Variants in WNK2 observed in about 807,000 individuals in gnomAD.
WNK2 encodes WNK lysine deficient protein kinase 2.
In WNK2, 67 loss-of-function variants were observed where a neutral mutation model predicts 192.1. The observed-to-expected ratio is 0.35, with a 90% CI of 0.29 to 0.43. WNK2 has a LOEUF of 0.43. Among genes scored for constraint, WNK2 ranks in the 20% least tolerant of loss-of-function variants. WNK2 has a pLI of 1.00. For synonymous variants in WNK2, 1,439 were observed against 1,393.9 expected, an observed-to-expected ratio of 1.03 and a Z score of -0.72; for missense variants, 2,698 against 3,089.7, an observed-to-expected ratio of 0.87 and a Z score of 3.01.
At chr9:93,194,484 G>T (rs1830882979) in intron 2 of WNK2, among the ~76,000 whole-genome samples, 1 of 152,158 alleles carries the variant, frequency 6.6e-6, no homozygotes, top group South Asian at 2.1e-4. Context: ...AGTCATCAGG[G>T]AATTGCAAAT....
At chr9:93,243,516 G>A (rs536131507) in intron 7 of WNK2, among the ~76,000 whole-genome samples, 1 of 152,284 alleles carries the variant, frequency 6.6e-6, no homozygotes, top group African/African-American at 2.4e-5. Context: ...CATCACCCGT[G>A]AAATAGAGCA....
chr9:93,301,578 C>T (rs946935792), intron 26 of WNK2, among the ~76,000 whole-genome samples: 6 of 152,186 alleles, frequency 3.9e-5, no homozygotes, highest in South Asian at 2.1e-4. Context: ...GAGGAGTGGG[C>T]GCCTTCCCCC....
chr9:93,257,710 A>G lies in WNK2; in HGVS notation c.2382+571A>G, dbSNP rs557771376. On this transcript the variant is annotated intron_variant, in intron 11 of 29. Transcript: ENST00000427277. This position sits in a 1 kb window ranked among gnomAD's most constrained non-coding sequence, Gnocchi z 4.7. The stretch of plus-strand genomic sequence containing the variant: ...GGCCGTGTGGCATGTGGCTCCTCGG[A>G]GTTCCAAAGCCAGCCTGTGGCATTG... Among the ~76,000 whole-genome samples the G allele has an allele frequency of 1.1e-4, 16 of 152,280 alleles. No individual in the cohort carries two copies. The East Asian group carries it at 3.1e-3, about 29-fold the overall frequency.
chr9:93,282,493 A>C (rs1317833772), intron 19 of WNK2, among the ~76,000 whole-genome samples: 2 of 152,030 alleles, frequency 1.3e-5, no homozygotes, highest in Admixed American at 1.3e-4. Flanking sequence ...AAGACATAAG[A>C]TTATAAAAAG....
At chr9:93,205,576 T>C (rs535918007) in intron 2 of WNK2, among the ~76,000 whole-genome samples, 1 of 152,378 alleles carries the variant, frequency 6.6e-6, no homozygotes, top group South Asian at 2.1e-4. Context: ...CGCGGCCGGC[T>C]GTCTGGAGCC....
chr9:93,298,286 G>T (rs1293539239), intron 24 of WNK2, among the ~76,000 whole-genome samples: 1 of 152,230 alleles, frequency 6.6e-6, no homozygotes, highest in African/African-American at 2.4e-5. Flanking sequence ...CCCGTGAGTG[G>T]GCAGGGGCTG....
chr9:93,315,955 T>C (rs1315059337), intron 28 of WNK2: 2 of 152,190 alleles, frequency 1.3e-5, no homozygotes, highest in African/African-American at 4.8e-5. Flanking sequence ...TTAGATCCCA[T>C]GAGCCATCTC....
chr9:93,235,080 T>C, intron 5 of WNK2, 115 bp downstream of exon 5: 3 of 1,315,726 alleles, frequency 2.3e-6, no homozygotes, highest in South Asian at 1.5e-5. Flanking sequence ...GTAAGGAGCT[T>C]GGCCATTTTG....
chr9:93,268,700 T>G lies in WNK2; in HGVS notation c.3987T>G (p.Ser1329=). The change falls in exon 19 of 30, where the codon TCT becomes TCG. Residue 1329 remains serine, a synonymous_variant. Transcript: ENST00000427277. ...ACCCCGCCCCCGAGGCCCCTGAATC[T>G]TCGCCCCCACTTCCTCTAAGCTCCC... The part of the protein sequence containing the change: ...AEHPAPEAPE[S]SPPLPLSSLP... The G allele has an allele frequency of 1.9e-6, 3 of 1,613,376 alleles. No individual in the cohort carries two copies. Among genetic ancestry groups the G allele is most frequent in the Non-Finnish European group, 2.5e-6 (3 of 1,179,762 alleles).
chr9:93,275,303 G>C (rs899545477), intron 19 of WNK2, among the ~76,000 whole-genome samples: 3 of 152,134 alleles, frequency 2.0e-5, no homozygotes. Context: ...GATCACTTGA[G>C]GCCAGGAGTT....
Position 93,259,303 on chromosome 9 carries a change from A to G in WNK2, c.2755A>G (p.Met919Val). 1 of 1,613,462 alleles carries G rather than the reference A, an allele frequency of 6.2e-7. No individual in the cohort carries two copies. The highest frequency in any genetic ancestry group is 8.5e-7 in the Non-Finnish European group (1 of 1,179,728). ...TGTGTACCCAGCGGCCTTCCCACAG[A>G]TGGCGCCTACTGACGTCCCTCCTTC... is the stretch of plus-strand genomic sequence containing the variant. ...QPVYPAAFPQ[M>V]APTDVPPSPH... Residue 919 changes from methionine (M) to valine (V), a missense_variant, in exon 12 of 30, where the codon ATG (methionine) becomes GTG (valine). Physicochemically the swap from Met to Val is conservative, Grantham distance 21 (BLOSUM62 1). Transcript: ENST00000427277. This position sits in a 1 kb window ranked among gnomAD's most constrained non-coding sequence, Gnocchi z 4.8.
intron 2 of WNK2, among the ~76,000 whole-genome samples, chr9:93,201,251 G>A (rs1832296479): frequency 6.6e-6 from 1 of 152,224 alleles, no homozygotes; most frequent in African/African-American, 2.4e-5. Context: ...GTCGCCATCT[G>A]TGGACACTGG....
At chr9:93,203,780 G>A (rs940324968) in intron 2 of WNK2, among the ~76,000 whole-genome samples, 7 of 152,158 alleles carry the variant, frequency 4.6e-5, no homozygotes, top group East Asian at 1.9e-4. Flanking sequence ...GAGGCATCTC[G>A]AACTGTGAGA....
chr9:93,318,520 A>G (rs1855125138), intron 29 of WNK2: 5 of 1,613,980 alleles, frequency 3.1e-6, no homozygotes, highest in Non-Finnish European at 4.2e-6. Context: ...ACGTTAGGTG[A>G]GCAGACATGC....
Position 93,247,417 on chromosome 9 carries a change from A to G in WNK2, c.1543-126A>G. 2 of 1,136,458 alleles carry G rather than the reference A, an allele frequency of 1.8e-6. No homozygotes were observed. The highest frequency in any genetic ancestry group is 2.6e-5 in the East Asian group (1 of 38,444). The allele number at this position is 1,136,458 out of a possible 1,614,324, so 70.4% of individuals were successfully genotyped here. ...AGCTGTCCCCGCGGATTTTACATTC[A>G]GTGGCAGTGGGATGGCGAGCGTGTC... On this transcript the variant is annotated intron_variant, in intron 7 of 29. Transcript: ENST00000427277. This position sits in a 1 kb window ranked among gnomAD's most constrained non-coding sequence, Gnocchi z 5.2.
At position 93,319,104 on chromosome 9, in the gene WNK2, T is replaced by C. The variant is rs749818439; in HGVS notation, c.6629-1263T>C. ...GTGAAGTGGGGGCTGCCCTCACCTGTCCCCCTTGCCTGTGAATCCCTTCCT... is the reference window on the plus strand; with the variant it reads ...GTGAAGTGGGGGCTGCCCTCACCTGCCCCCCTTGCCTGTGAATCCCTTCCT... On this transcript the variant is annotated intron_variant, in intron 29 of 29. Transcript: ENST00000427277. The C allele has an allele frequency of 1.9e-6, 3 of 1,613,918 alleles. No individual in the cohort carries two copies. In the Admixed American group the frequency reaches 5.0e-5, roughly 27 times the overall value.
At chr9:93,299,031 C>T (rs374993464) in intron 24 of WNK2, 39 bp from the exon 25 acceptor site, 11 of 1,582,468 alleles carry the variant, frequency 7.0e-6, no homozygotes, top group South Asian at 1.1e-5. Context: ...GACCCGGCGG[C>T]GCCTCATCGT....
Position 93,289,164 on chromosome 9 carries a change from C to T in WNK2, c.4410C>T (p.Ala1470=), listed in dbSNP as rs1213959600. The T allele has an allele frequency of 1.2e-6, 2 of 1,600,400 alleles. No homozygotes were observed. Among genetic ancestry groups the T allele is most frequent in the East Asian group, 4.5e-5 (2 of 44,630 alleles). ...PEAASTRDAS[A]PREPLPPPAP... is the part of the protein sequence containing the mutation. The stretch of plus-strand genomic sequence containing the variant: ...CTGCCTCAACCAGGGACGCCAGTGC[C>T]CCAAGGGAGCCCCTGCCACCTCCTG... The change falls in exon 20 of 30, where the codon GCC becomes GCT. Residue 1470 remains alanine, a synonymous_variant. Transcript: ENST00000427277.
intron 2 of WNK2, among the ~76,000 whole-genome samples, chr9:93,211,726 C>T (rs1834801948): frequency 6.6e-6 from 1 of 151,982 alleles, no homozygotes; most frequent in South Asian, 2.1e-4. Flanking sequence ...TACTCATTCA[C>T]TTACTCATCC....
Sources: gnomAD v4.1 joint callset for allele counts (sites outside exome capture counted in the v4.1 genomes callset) on GRCh38, gnomAD v4.1.1 for gene constraint, Gnocchi (gnomAD v3.1) non-coding constraint, MANE v1.5 for transcripts, NCBI Gene and HGNC (gene_info 2026-07-23, HGNC 2026-07-21) for gene names.